Variants in MROH1 observed in about 807,000 individuals in gnomAD.
The protein encoded by MROH1 is maestro heat like repeat family member 1, also known as maestro heat-like repeat-containing protein family member 1.
In MROH1, 117 loss-of-function variants were observed where a neutral mutation model predicts 116.5. The ratio of observed to expected loss-of-function variants is 1.00; its 90% CI spans 0.86 to 1.17. MROH1 has a LOEUF of 1.17. MROH1 is among the 50% of genes most tolerant of loss of function. The pLI, the probability that MROH1 is intolerant of heterozygous loss-of-function variation, is 0.00. For synonymous variants in MROH1, 921 were observed against 583.9 expected, an observed-to-expected ratio of 1.58 and a Z score of -8.32; for missense variants, 1,873 against 1,338.5, an observed-to-expected ratio of 1.40 and a Z score of -6.23.
chr8:144,257,183 C>T (rs1018315384), intron 35 of MROH1, among the ~76,000 whole-genome samples: 6 of 152,246 alleles, frequency 3.9e-5, no homozygotes, highest in Non-Finnish European at 8.8e-5. Flanking sequence ...GGCACCCAGG[C>T]TACCTGGGCT....
At chr8:144,154,191 A>T (rs1165867295) in intron 1 of MROH1, among the ~76,000 whole-genome samples, 1 of 151,930 alleles carries the variant, frequency 6.6e-6, no homozygotes, top group Non-Finnish European at 1.5e-5. Flanking sequence ...CAGCCTTCCG[A>T]GTAGCTGGGA....
At chr8:144,226,162 G>A (rs749388333) in intron 14 of MROH1, among the ~76,000 whole-genome samples, 5 of 151,988 alleles carry the variant, frequency 3.3e-5, no homozygotes, top group South Asian at 4.2e-4. Context: ...TGATCCTCCC[G>A]CCTCGGCCTC....
rs1311509850 is a variant in MROH1, at chr8:144,234,894, T to TC, written c.1339-3862_1339-3861insC. Among the ~76,000 whole-genome samples, 529 of 145,232 alleles carry TC rather than the reference T, an allele frequency of 3.6e-3. 5 individuals carry two copies. Among genetic ancestry groups the TC allele is most frequent in the African/African-American group, 0.013 (504 of 39,652 alleles). On this transcript the variant is annotated intron_variant, in intron 14 of 43. Transcript: ENST00000326134. ...AAAACAATTATCCTTTTTCTTTCTT[T>TC]TTTTTTTTTTTTTTTTGAGACAGAG...
chr8:144,255,708 A>G lies in MROH1; in HGVS notation c.3791+3A>G. 1.3e-6 allele frequency: 1 copy of G among 751,464 alleles called. No individual in the cohort carries two copies. 46.5% of individuals were successfully genotyped at this position (751,464 alleles called of 1,614,324 possible). ...ACCAGGAACCTGGAACCCTGCAGGT[A>G]TCTGGGTCCCCACTTCCCACCTCCA... On this transcript the variant is annotated splice_donor_region_variant and intron_variant, in intron 35 of 43. Transcript: ENST00000326134.
chr8:144,236,469 G>A (rs1474507915), intron 14 of MROH1, among the ~76,000 whole-genome samples: 1 of 152,148 alleles, frequency 6.6e-6, no homozygotes, highest in African/African-American at 2.4e-5. Flanking sequence ...GGCCGGGTGC[G>A]GTGGCTCACG....
chr8:144,179,567 G>A lies in MROH1; in HGVS notation c.281G>A (p.Ser94Asn), dbSNP rs1825006615. The A allele has an allele frequency of 6.2e-7, 1 of 1,611,368 alleles. No individual in the cohort carries two copies. The highest frequency in any genetic ancestry group is 1.7e-5 in the Admixed American group (1 of 59,574). Residue 94 changes from serine (S) to asparagine (N), a missense_variant, in exon 5 of 44, where the codon AGC becomes AAC. Coordinates refer to ENST00000326134, the MANE Select transcript of MROH1 (RefSeq NM_032450.3). ...TASTIILLASSEMTKTKDLVW... is the reference protein window; with the variant it reads ...TASTIILLASNEMTKTKDLVW... ...AGCACCATCATCCTCCTGGCCTCCA[G>A]CGAGATGACCAAGACGAAGGTATTC...
intron 4 of MROH1, among the ~76,000 whole-genome samples, chr8:144,170,870 G>A (rs377018319): frequency 6.6e-6 from 1 of 152,258 alleles, no homozygotes; most frequent in Admixed American, 6.5e-5. Flanking sequence ...CTCAGGGGCC[G>A]TCAGGCCATG....
Position 144,163,705 on chromosome 8 carries a change from A to G in MROH1, c.-56-66A>G. 1.1e-6 allele frequency: 1 copy of G among 882,640 alleles called. No homozygotes were observed. Among genetic ancestry groups the G allele is most frequent in the Non-Finnish European group, 1.8e-6 (1 of 565,696 alleles). 54.7% of individuals were successfully genotyped at this position (882,640 alleles called of 1,614,324 possible). A position where few individuals can be genotyped will look rare whatever the true frequency, so the allele number is the denominator to read the frequency against. On this transcript the variant is annotated intron_variant, in intron 2 of 43. Coordinates refer to ENST00000326134, the MANE Select transcript of MROH1 (RefSeq NM_032450.3). The surrounding 1 kb of genome is among the most constrained non-coding windows in gnomAD (Gnocchi z 4.4). ...ATTGTGTATTTTACATGGAAATGGT[A>G]ATTGCCTGTGAACTCAGATATCGTA... is the stretch of plus-strand genomic sequence containing the variant.
chr8:144,151,384 G>A (rs1305886431), intron 1 of MROH1, among the ~76,000 whole-genome samples: 1 of 151,588 alleles, frequency 6.6e-6, no homozygotes, highest in Non-Finnish European at 1.5e-5. Context: ...GCCAGTGGAA[G>A]AACACACCAA....
At chr8:144,159,868 C>T (rs1340701021) in intron 1 of MROH1, among the ~76,000 whole-genome samples, 2 of 150,286 alleles carry the variant, frequency 1.3e-5, no homozygotes, top group Non-Finnish European at 3.0e-5. Flanking sequence ...CCCGGGTTCA[C>T]GCCATTCTCC....
intron 4 of MROH1, among the ~76,000 whole-genome samples, chr8:144,178,330 C>G (rs2131284422): frequency 6.6e-6 from 1 of 152,198 alleles, no homozygotes; most frequent in East Asian, 1.9e-4. Flanking sequence ...CGGGGTTTCA[C>G]CATATTGGCC....
At chr8:144,257,479 C>T (rs1299033536) in intron 35 of MROH1, among the ~76,000 whole-genome samples, 3 of 152,206 alleles carry the variant, frequency 2.0e-5, no homozygotes, top group African/African-American at 7.2e-5. Flanking sequence ...TCTCAGGCCG[C>T]CTCATTCCTG....
At chr8:144,259,773 C>G (rs542532639) in intron 37 of MROH1, 138 bp from the exon 38 acceptor site, 8 of 688,102 alleles carry the variant, frequency 1.2e-5, no homozygotes, top group African/African-American at 1.8e-5. Context: ...CGCCACTGAT[C>G]GGAGACCCAG....
chr8:144,204,623 T>A (rs12542868), intron 12 of MROH1, among the ~76,000 whole-genome samples: 61,748 of 152,058 alleles, frequency 0.41, 15,088 homozygotes, highest in East Asian at 0.72. Flanking sequence ...ATAGTGTTGC[T>A]GTTTCAGGAT....
chr8:144,190,934 A>G lies in MROH1; in HGVS notation c.713A>G (p.Lys238Arg). The G allele has an allele frequency of 1.2e-6, 2 of 1,612,800 alleles. No homozygotes were observed. Among genetic ancestry groups the G allele is most frequent in the Non-Finnish European group, 1.7e-6 (2 of 1,179,654 alleles). ...FHQWLQSREA[K>R]LRLAVVEALG... ...CAGTGGCTGCAGAGTCGAGAAGCCA[A>G]GGTATGCCCCGTGGCTGCATCAGTC... The change falls in exon 8 of 44, where the codon AAG (lysine) becomes AGG (arginine). Residue 238 changes from lysine to arginine, a missense_variant and splice_region_variant. Coordinates refer to ENST00000326134, the MANE Select transcript of MROH1 (RefSeq NM_032450.3).
chr8:144,231,790 G>T (rs1554822970), intron 14 of MROH1, among the ~76,000 whole-genome samples: 1 of 152,186 alleles, frequency 6.6e-6, no homozygotes, highest in Non-Finnish European at 1.5e-5. Flanking sequence ...CTGGACACAG[G>T]GCTGCCCCAG....
chr8:144,199,407 C>T (rs1830613740), intron 11 of MROH1, among the ~76,000 whole-genome samples: 1 of 152,150 alleles, frequency 6.6e-6, no homozygotes, highest in Non-Finnish European at 1.5e-5. Context: ...TGTTCACCTC[C>T]GAGGAGCGTG....
At position 144,185,783 on chromosome 8, in the gene MROH1, C is replaced by A. The variant is rs1282145529; in HGVS notation, c.563-5001C>A. ...GGGGACGTGAGGGGCAGTGCGGGGA[C>A]CGTGGGGGGAGGGGGAGGGGCGGCG... On this transcript the variant is annotated intron_variant, in intron 7 of 43. Transcript: ENST00000326134. Among the ~76,000 whole-genome samples the A allele has an allele frequency of 2.3e-3, 165 of 70,978 alleles. 1 individual carries two copies. The highest frequency in any genetic ancestry group is 0.01 in the Middle Eastern group (1 of 98). The allele number at this position is 70,978 out of a possible 152,430, so 46.6% of individuals were successfully genotyped here. A position where few individuals can be genotyped will look rare whatever the true frequency, so the allele number is the denominator to read the frequency against.
intron 12 of MROH1, among the ~76,000 whole-genome samples, chr8:144,202,796 GGA>G (rs1831647548): frequency 1.2e-5 from 1 of 84,694 alleles, no homozygotes; most frequent in Non-Finnish European, 2.3e-5. Flanking sequence ...GGGCTGGGAG[GGA>G]AGCGCAGGCT....
Sources: allele counts gnomAD v4.1 joint callset (sites outside exome capture counted in the v4.1 genomes callset), GRCh38; gene constraint gnomAD v4.1.1; non-coding constraint Gnocchi (gnomAD v3.1); transcripts MANE v1.5; gene names NCBI Gene and HGNC (gene_info 2026-07-23, HGNC 2026-07-21).